CEP112: variants seen among roughly 807,000 people sequenced by gnomAD.
CEP112 encodes centrosomal protein of 112 kDa.
Under a neutral mutation model 153.0 loss-of-function variants are expected in CEP112, and 127 were observed. The ratio of observed to expected loss-of-function variants is 0.83; its 90% CI spans 0.72 to 0.96. The LOEUF (loss-of-function observed/expected upper bound fraction) is 0.96, where lower values mean the gene tolerates loss of function less well. Ranked by LOEUF, CEP112 falls within the 40% of genes least tolerant of loss-of-function variation. The probability of loss-of-function intolerance (pLI) is 0.00; values close to 1 mark genes in which losing one functional copy is unlikely to be tolerated. For missense variants in CEP112, 1,089 were observed against 1,101.2 expected (o/e 0.99, Z 0.16); for synonymous variants, 358 against 374.4 (o/e 0.96, Z 0.51).
chr17:66,119,171 C>A (rs767185486), intron 6 of CEP112, among the ~76,000 whole-genome samples: 13 of 152,030 alleles, frequency 8.6e-5, no homozygotes, highest in African/African-American at 2.2e-4. Flanking sequence ...GGGAAGGGAA[C>A]AACACACACT....
At chr17:65,877,207 G>A (rs1300171840) in intron 20 of CEP112, among the ~76,000 whole-genome samples, 1 of 152,182 alleles carries the variant, frequency 6.6e-6, no homozygotes, top group Non-Finnish European at 1.5e-5. Flanking sequence ...CCAAACCCAG[G>A]GAAGCCTGCT....
At chr17:66,153,438 C>T (rs1410898372) in intron 4 of CEP112, among the ~76,000 whole-genome samples, 1 of 138,278 alleles carries the variant, frequency 7.2e-6, no homozygotes, top group Non-Finnish European at 1.5e-5. Context: ...CATAGGACTA[C>T]GTATTACCCA....
chr17:65,768,282 A>C (rs2053122497), intron 21 of CEP112, among the ~76,000 whole-genome samples: 1 of 152,162 alleles, frequency 6.6e-6, no homozygotes, highest in Non-Finnish European at 1.5e-5. Context: ...TTAAGTGGGA[A>C]GTGGATCATC....
At chr17:66,012,894 G>A (rs969797931) in intron 16 of CEP112, among the ~76,000 whole-genome samples, 3 of 151,824 alleles carry the variant, frequency 2.0e-5, no homozygotes, top group Non-Finnish European at 2.9e-5. Flanking sequence ...ACATAATCCC[G>A]TATTTCTCTG....
At chr17:65,750,788 G>T in intron 21 of CEP112, 64 bp from the exon 22 acceptor site, 3 of 1,460,994 alleles carry the variant, frequency 2.1e-6, no homozygotes, top group Non-Finnish European at 2.9e-6. Flanking sequence ...TCTTCCACAT[G>T]CCTATCACCA....
chr17:66,056,340 T>C (rs944062258), intron 11 of CEP112, among the ~76,000 whole-genome samples: 1 of 152,182 alleles, frequency 6.6e-6, no homozygotes, highest in African/African-American at 2.4e-5. Context: ...TGGCAGTTCC[T>C]CAAAAAATTT....
intron 21 of CEP112, among the ~76,000 whole-genome samples, chr17:65,830,975 C>T (rs1466173409): frequency 6.6e-6 from 1 of 152,166 alleles, no homozygotes; most frequent in Non-Finnish European, 1.5e-5. Context: ...TGTTCCACTG[C>T]AATGTTTTAG....
intron 24 of CEP112, among the ~76,000 whole-genome samples, chr17:65,656,828 T>C (rs532706257): frequency 1.3e-5 from 2 of 152,320 alleles, no homozygotes; most frequent in South Asian, 4.1e-4. Flanking sequence ...TATTTGCTGA[T>C]GAATGAACGA....
intron 6 of CEP112, among the ~76,000 whole-genome samples, chr17:66,120,012 A>T (rs2069498472): frequency 6.6e-6 from 1 of 152,194 alleles, no homozygotes; most frequent in South Asian, 2.1e-4. Context: ...GAATCTTTAT[A>T]TATTCTGGAT....
chr17:65,772,538 C>G (rs1386690138), intron 21 of CEP112, among the ~76,000 whole-genome samples: 1 of 151,604 alleles, frequency 6.6e-6, no homozygotes, highest in Non-Finnish European at 1.5e-5. Context: ...CTCAAAGTGA[C>G]TCAAGAATTA....
intron 24 of CEP112, among the ~76,000 whole-genome samples, chr17:65,680,561 C>T (rs990231294): frequency 2.0e-5 from 3 of 152,230 alleles, no homozygotes; most frequent in Non-Finnish European, 2.9e-5. Context: ...CTGGGCTAAA[C>T]GCTGGGATAC....
At chr17:65,975,398 G>A (rs1038254180) in intron 17 of CEP112, among the ~76,000 whole-genome samples, 4 of 151,890 alleles carry the variant, frequency 2.6e-5, no homozygotes, top group Non-Finnish European at 5.9e-5. Context: ...TATAAGTATG[G>A]GATATGTGTA....
At chr17:65,866,912 T>C (rs1313000278) in intron 20 of CEP112, among the ~76,000 whole-genome samples, 1 of 152,148 alleles carries the variant, frequency 6.6e-6, no homozygotes, top group Non-Finnish European at 1.5e-5. Context: ...TCATTCTTCC[T>C]GGACACAGGA....
intron 18 of CEP112, among the ~76,000 whole-genome samples, chr17:65,958,251 T>C (rs898794853): frequency 1.8e-4 from 28 of 152,258 alleles, no homozygotes; most frequent in African/African-American, 6.8e-4. Flanking sequence ...TGAGCTCTTA[T>C]ATATAAGAAC....
intron 24 of CEP112, among the ~76,000 whole-genome samples, chr17:65,669,709 C>A (rs540954434): frequency 2.7e-4 from 41 of 152,216 alleles, no homozygotes; most frequent in Non-Finnish European, 4.6e-4. Flanking sequence ...CGAGACCATC[C>A]TGGCTAACAC....
chr17:65,823,834 T>C (rs1473940729), intron 21 of CEP112, among the ~76,000 whole-genome samples: 1 of 152,156 alleles, frequency 6.6e-6, no homozygotes, highest in Non-Finnish European at 1.5e-5. Context: ...CCAAAAAAGA[T>C]ATTCAGATGA....
intron 24 of CEP112, among the ~76,000 whole-genome samples, chr17:65,665,120 G>A (rs527434480): frequency 2.6e-5 from 4 of 152,296 alleles, no homozygotes; most frequent in South Asian, 2.1e-4. Context: ...ATATTTTGGC[G>A]GGGTGAGAGG....
Position 65,635,866 on chromosome 17 carries a change from A to G in CEP112, c.*105T>C, listed in dbSNP as rs2044742066. The G allele has an allele frequency of 8.2e-7, 1 of 1,213,024 alleles. No individual in the cohort carries two copies. The highest frequency in any genetic ancestry group is 1.9e-4 in the Middle Eastern group (1 of 5,264). 75.1% of individuals were successfully genotyped at this position (1,213,024 alleles called of 1,614,324 possible). A position where few individuals can be genotyped will look rare whatever the true frequency, so the allele number is the denominator to read the frequency against. On this transcript the variant is annotated 3_prime_UTR_variant, in exon 27 of 27. Transcript: ENST00000535342. ...ATCTTAATTACATTTAAGGATTTAA[A>G]AAATGCCACTGATCTCACAGTTTAC...
intron 21 of CEP112, among the ~76,000 whole-genome samples, chr17:65,802,701 T>C (rs1034094699): frequency 9.2e-5 from 14 of 152,242 alleles, no homozygotes; most frequent in Admixed American, 9.2e-4. Flanking sequence ...TACTAGACTA[T>C]AGGCATCTTG....
Sources: allele counts gnomAD v4.1 joint callset (sites outside exome capture counted in the v4.1 genomes callset), GRCh38; gene constraint gnomAD v4.1.1; transcripts MANE v1.5; gene names NCBI Gene and HGNC (gene_info 2026-07-23, HGNC 2026-07-21).